The following PRPSAP1 variants were observed in gnomAD, a reference collection of about 807,000 sequenced individuals.
PRPSAP1 encodes phosphoribosyl pyrophosphate synthetase associated protein 1.
In PRPSAP1, 31 loss-of-function variants were observed where a neutral mutation model predicts 39.4. The ratio of observed to expected loss-of-function variants is 0.79; its 90% CI spans 0.59 to 1.06. PRPSAP1 has a LOEUF of 1.06. Ranked by LOEUF, PRPSAP1 falls within the 50% of genes least tolerant of loss-of-function variation. The pLI, the probability that PRPSAP1 is intolerant of heterozygous loss-of-function variation, is 0.00. For missense variants in PRPSAP1, 430 were observed against 511.6 expected, an observed-to-expected ratio of 0.84 and a Z score of 1.54; for synonymous variants, 212 against 192.6, an observed-to-expected ratio of 1.10 and a Z score of -0.83.
chr17:76,324,610 A>C (rs1025730892), intron 7 of PRPSAP1, among the ~76,000 whole-genome samples: 1 of 152,046 alleles, frequency 6.6e-6, no homozygotes, highest in African/African-American at 2.4e-5. Context: ...CTCAAAAAAA[A>C]AAAAGCTATA....
intron 1 of PRPSAP1, among the ~76,000 whole-genome samples, chr17:76,352,291 G>C (rs568615032): frequency 6.6e-6 from 1 of 152,038 alleles, no homozygotes; most frequent in Non-Finnish European, 1.5e-5. Flanking sequence ...ATGTAGAAAG[G>C]GCATATAAGG....
chr17:76,320,749 C>G lies in PRPSAP1; in HGVS notation c.782-6858G>C, dbSNP rs1454388799. ...TTTACAGATTGAAGTTTGTGGCAAC[C>G]CTGTGTCAAGCAAGTCTATGGGAGC... On this transcript the variant is annotated intron_variant, in intron 7 of 9. Coordinates refer to ENST00000446526, the MANE Select transcript of PRPSAP1 (RefSeq NM_002766.3). Among the ~76,000 whole-genome samples, 3 of 151,198 alleles carry G rather than the reference C, an allele frequency of 2.0e-5. No individual in the cohort carries two copies. The Admixed American group carries it at 2.0e-4, about 10-fold the overall frequency.
intron 9 of PRPSAP1, among the ~76,000 whole-genome samples, chr17:76,312,225 G>C (rs781427526): frequency 1.1e-4 from 16 of 152,180 alleles, no homozygotes; most frequent in Non-Finnish European, 1.9e-4. Context: ...TGGATCACCT[G>C]AGGTCAGGAG....
rs113913108 is a variant in PRPSAP1 at position 76,344,507 on chromosome 17, C to T, written c.290+164G>A. On this transcript the variant is annotated intron_variant, in intron 3 of 9. Coordinates refer to ENST00000446526, the MANE Select transcript of PRPSAP1 (RefSeq NM_002766.3). ...GTCTCGAACTCCTGACCTCGTGATC[C>T]GCCCACCTCGGCCTCCCAAAGTGTT... Among the ~76,000 whole-genome samples, 449 of 152,236 alleles carry T rather than the reference C, an allele frequency of 2.9e-3. 1 individual carries two copies. The highest frequency in any genetic ancestry group is 0.01 in the African/African-American group (431 of 41,556).
At chr17:76,353,383 C>G in intron 1 of PRPSAP1, 151 bp downstream of exon 1, 2 of 749,474 alleles carry the variant, frequency 2.7e-6, no homozygotes, top group Non-Finnish European at 3.9e-6. Flanking sequence ...GGGCGGTATC[C>G]GTCACCTCCA....
At chr17:76,334,774 C>A (rs1187750983) in intron 3 of PRPSAP1, among the ~76,000 whole-genome samples, 1 of 152,176 alleles carries the variant, frequency 6.6e-6, no homozygotes, top group Non-Finnish European at 1.5e-5. Flanking sequence ...TAAATTGGAG[C>A]ATTTTTCTCC....
rs773571508 is a variant in PRPSAP1, at chr17:76,332,342, G to A, written c.384C>T (p.Phe128=). 6.2e-7 allele frequency: 1 copy of A among 1,614,182 alleles called. No homozygotes were observed. The highest frequency in any genetic ancestry group is 1.1e-5 in the South Asian group (1 of 91,084). The part of the protein sequence containing the change: ...ARNIIGVIPY[F]PYSKQSKMRK... ...TCATCTTGCTCTGCTTGCTGTAGGG[G>A]AAGTAGGGGATGACCCCAATAATGT... is the stretch of plus-strand genomic sequence containing the variant. The change falls in exon 4 of 10, where the codon TTC becomes TTT. Residue 128 remains phenylalanine (F), a synonymous_variant. Coordinates refer to ENST00000446526, the MANE Select transcript of PRPSAP1 (RefSeq NM_002766.3).
At chr17:76,337,357 C>T (rs762251452) in intron 3 of PRPSAP1, 3 of 152,360 alleles carry the variant, frequency 2.0e-5, no homozygotes, top group African/African-American at 4.8e-5. Context: ...TGGAATGATA[C>T]AGAGAAGATT....
intron 2 of PRPSAP1, among the ~76,000 whole-genome samples, chr17:76,348,160 AAAATAAATAAAT>A (rs374946298): frequency 6.2e-4 from 93 of 149,248 alleles, no homozygotes; most frequent in African/African-American, 2.3e-3. Flanking sequence ...CATCTTAATA[AAAATAAATAAAT>A]AAATAAATAA....
chr17:76,316,945 A>T (rs951085261), intron 7 of PRPSAP1, among the ~76,000 whole-genome samples: 1 of 151,976 alleles, frequency 6.6e-6, no homozygotes, highest in Non-Finnish European at 1.5e-5. Context: ...CCAATTAACC[A>T]AACCTTCCTC....
chr17:76,352,312 A>C (rs1407641245), intron 1 of PRPSAP1, among the ~76,000 whole-genome samples: 1 of 152,208 alleles, frequency 6.6e-6, no homozygotes, highest in Non-Finnish European at 1.5e-5. Flanking sequence ...CTCCTCCTTT[A>C]TATCAGAGCT....
chr17:76,313,889 T>C lies in PRPSAP1; in HGVS notation c.784A>G (p.Met262Val), dbSNP rs975605784. ...ATCGGTGGCTTCTCTTTGGCCATCA[T>C]CACTAGCAAAACAAAACAAATTACA... is the stretch of plus-strand genomic sequence containing the variant. ...TVHPGLELPL[M>V]MAKEKPPITV... is the part of the protein sequence containing the mutation. Residue 262 changes from methionine to valine, a missense_variant and splice_region_variant, in exon 8 of 10, where the codon ATG becomes GTG. Met to Val is a conservative substitution (Grantham distance 21). This residue lies in a region of PRPSAP1 where 278 missense variants were observed against 376.3 expected (regional missense o/e 0.74). Coordinates refer to ENST00000446526, the MANE Select transcript of PRPSAP1 (RefSeq NM_002766.3). The C allele has an allele frequency of 1.9e-6, 3 of 1,613,992 alleles. No homozygotes were observed. In the South Asian group the frequency reaches 3.3e-5, roughly 18 times the overall value.
At chr17:76,332,147 C>G (rs550520121) in intron 4 of PRPSAP1, 116 bp downstream of exon 4, 1 of 1,318,274 alleles carries the variant, frequency 7.6e-7, no homozygotes, top group South Asian at 1.4e-5. Context: ...CAAAACTGTT[C>G]AAAAGGAAAC....
intron 2 of PRPSAP1, among the ~76,000 whole-genome samples, chr17:76,345,261 C>A (rs892752451): frequency 1.3e-4 from 6 of 47,488 alleles, no homozygotes; most frequent in Admixed American, 3.0e-4. Flanking sequence ...AAAAAGAGTT[C>A]TTCGAGACCA....
At chr17:76,350,182 G>T (rs907636815) in intron 1 of PRPSAP1, among the ~76,000 whole-genome samples, 2 of 151,658 alleles carry the variant, frequency 1.3e-5, no homozygotes, top group Non-Finnish European at 1.5e-5. Flanking sequence ...GCTCATGCCT[G>T]TAATCCCAGC....
At chr17:76,342,790 A>C (rs982668192) in intron 3 of PRPSAP1, among the ~76,000 whole-genome samples, 1 of 151,798 alleles carries the variant, frequency 6.6e-6, no homozygotes, top group African/African-American at 2.4e-5. Flanking sequence ...AAGACTGAAT[A>C]GGGCCGGGCG....
intron 3 of PRPSAP1, among the ~76,000 whole-genome samples, chr17:76,340,851 G>C (rs1055259063): frequency 6.8e-6 from 1 of 146,832 alleles, no homozygotes; most frequent in Non-Finnish European, 1.5e-5. Flanking sequence ...GCAGTGAACC[G>C]AGATCGCGCC....
intron 3 of PRPSAP1, among the ~76,000 whole-genome samples, chr17:76,340,975 G>C (rs1598536777): frequency 6.6e-6 from 1 of 150,934 alleles, no homozygotes; most frequent in African/African-American, 2.4e-5. Flanking sequence ...AAAAAGGTTG[G>C]AGACTGCTGG....
intron 2 of PRPSAP1, chr17:76,345,764 C>T (rs376418623): frequency 5.7e-5 from 15 of 262,284 alleles, no homozygotes; most frequent in Admixed American, 1.5e-4. Flanking sequence ...GAATGACCCC[C>T]GACTGAGCGC....
Sources: allele counts gnomAD v4.1 joint callset (sites outside exome capture counted in the v4.1 genomes callset), GRCh38; gene constraint gnomAD v4.1.1; regional missense constraint gnomAD v4.1.1; transcripts MANE v1.5; gene names NCBI Gene and HGNC (gene_info 2026-07-23, HGNC 2026-07-21).